Variants in DOCK1 observed in about 807,000 individuals in gnomAD.
The protein encoded by DOCK1 is dedicator of cytokinesis 1, also known as dedicator of cytokinesis protein 1.
In DOCK1, 138 loss-of-function variants were observed where a neutral mutation model predicts 262.7. The ratio of observed to expected loss-of-function variants is 0.53; its 90% CI spans 0.46 to 0.61. The LOEUF is 0.61. Ranked by LOEUF, DOCK1 falls within the 20% of genes least tolerant of loss-of-function variation. The probability of loss-of-function intolerance (pLI) is 0.00; values close to 1 mark genes in which losing one functional copy is unlikely to be tolerated. For missense variants in DOCK1, 1,908 were observed against 2,370.7 expected (o/e 0.80, Z 4.05); for synonymous variants, 866 against 867.4 (o/e 1.00, Z 0.03).
At chr10:127,194,852 G>C (rs1007155799) in intron 27 of DOCK1, among the ~76,000 whole-genome samples, 2 of 152,152 alleles carry the variant, frequency 1.3e-5, no homozygotes, top group Non-Finnish European at 1.5e-5. Flanking sequence ...GTTTCACCTC[G>C]GGATGCTTCC....
intron 27 of DOCK1, among the ~76,000 whole-genome samples, chr10:127,238,050 A>C (rs1423348530): frequency 6.6e-6 from 1 of 152,196 alleles, no homozygotes; most frequent in Non-Finnish European, 1.5e-5. Flanking sequence ...AGACACAGGG[A>C]CACATCATTC....
chr10:127,425,308 A>C (rs2068748244), intron 46 of DOCK1, among the ~76,000 whole-genome samples: 1 of 152,174 alleles, frequency 6.6e-6, no homozygotes, highest in Non-Finnish European at 1.5e-5. Flanking sequence ...GAACGTTTTT[A>C]AAGGTCAGCT....
At chr10:127,381,220 C>T in intron 36 of DOCK1, 58 bp from the exon 37 acceptor site, 1 of 1,474,542 alleles carries the variant, frequency 6.8e-7, no homozygotes. Context: ...CTCTTGCAAT[C>T]CTCAACACAA....
At chr10:127,262,969 C>G (rs1470600373) in intron 29 of DOCK1, among the ~76,000 whole-genome samples, 1 of 152,152 alleles carries the variant, frequency 6.6e-6, no homozygotes, top group East Asian at 1.9e-4. Context: ...AATTTAACCC[C>G]AGAGCATCCA....
At chr10:126,909,923 T>C (rs917287659) in intron 1 of DOCK1, among the ~76,000 whole-genome samples, 1 of 152,250 alleles carries the variant, frequency 6.6e-6, no homozygotes, top group African/African-American at 2.4e-5. Context: ...TTCTTGATAG[T>C]GTGTTTTGCT....
chr10:127,264,695 CTGTTGT>C (rs1344874442), intron 29 of DOCK1, among the ~76,000 whole-genome samples: 4 of 152,010 alleles, frequency 2.6e-5, no homozygotes, highest in African/African-American at 9.7e-5. Flanking sequence ...GGGTCTCACT[CTGTTGT>C]CCAGGCTGGA....
chr10:127,298,533 A>C (rs375952091), intron 29 of DOCK1, among the ~76,000 whole-genome samples: 1 of 152,160 alleles, frequency 6.6e-6, no homozygotes. Flanking sequence ...ACCATTGTCA[A>C]CCAGAAAGAA....
intron 10 of DOCK1, among the ~76,000 whole-genome samples, chr10:127,005,215 G>T (rs767975605): frequency 6.4e-4 from 98 of 152,138 alleles, no homozygotes; most frequent in Non-Finnish European, 1.2e-3. Context: ...TCGTGGTGGC[G>T]CATGCTTGGG....
chr10:127,375,202 T>C (rs2065422061), intron 35 of DOCK1, among the ~76,000 whole-genome samples: 1 of 152,232 alleles, frequency 6.6e-6, no homozygotes, highest in Non-Finnish European at 1.5e-5. Flanking sequence ...GCCAGCCTCA[T>C]GGCTCTCAGC....
chr10:127,323,151 C>T (rs369409608), intron 29 of DOCK1, among the ~76,000 whole-genome samples: 5 of 152,100 alleles, frequency 3.3e-5, no homozygotes, highest in African/African-American at 1.2e-4. Flanking sequence ...TGGTGTTCAT[C>T]GCTTCCCTCT....
intron 27 of DOCK1, among the ~76,000 whole-genome samples, chr10:127,138,326 T>C (rs1475067967): frequency 6.6e-6 from 1 of 152,202 alleles, no homozygotes; most frequent in Non-Finnish European, 1.5e-5. Context: ...CCCCATTGTT[T>C]GTCCACAGTC....
chr10:127,135,128 A>G (rs915696663), intron 27 of DOCK1, among the ~76,000 whole-genome samples: 2 of 152,182 alleles, frequency 1.3e-5, no homozygotes, highest in African/African-American at 2.4e-5. Context: ...TCTGAGGTTA[A>G]GAATTAAACC....
chr10:127,380,457 A>G (rs145736803), intron 36 of DOCK1, among the ~76,000 whole-genome samples: 1 of 152,346 alleles, frequency 6.6e-6, no homozygotes, highest in African/African-American at 2.4e-5. Context: ...AGTAAGTTAT[A>G]TGATCCAGTG....
chr10:127,282,176 G>A (rs368170551), intron 29 of DOCK1, among the ~76,000 whole-genome samples: 6 of 151,940 alleles, frequency 3.9e-5, no homozygotes, highest in African/African-American at 1.5e-4. Flanking sequence ...CAGCTTGGTT[G>A]GTTGCTTGGG....
At chr10:127,013,956 C>T (rs2041670976) in intron 12 of DOCK1, among the ~76,000 whole-genome samples, 1 of 152,238 alleles carries the variant, frequency 6.6e-6, no homozygotes, top group South Asian at 2.1e-4. Context: ...TCACCAGCAG[C>T]CCAGGCTTAA....
At chr10:127,358,562 C>T (rs1344820339) in intron 32 of DOCK1, among the ~76,000 whole-genome samples, 1 of 152,184 alleles carries the variant, frequency 6.6e-6, no homozygotes, top group Non-Finnish European at 1.5e-5. Flanking sequence ...GAGCACTAGA[C>T]CCCAGCCAGC....
chr10:126,916,294 T>C (rs577141831), intron 1 of DOCK1, among the ~76,000 whole-genome samples: 20 of 152,364 alleles, frequency 1.3e-4, no homozygotes, highest in African/African-American at 4.8e-4. Context: ...GTTAAACTAT[T>C]ATACAGTCAA....
chr10:127,145,874 T>G, intron 27 of DOCK1: 1 of 404,746 alleles, frequency 2.5e-6, no homozygotes, highest in South Asian at 1.9e-5. Flanking sequence ...GTGTGTCATC[T>G]GGTGTCACCA....
intron 37 of DOCK1, among the ~76,000 whole-genome samples, chr10:127,383,230 A>G (rs1401854118): frequency 1.3e-5 from 2 of 152,200 alleles, no homozygotes; most frequent in African/African-American, 4.8e-5. Flanking sequence ...CCTAGCAATC[A>G]AATTATTACA....
Sources: gnomAD v4.1 joint callset for allele counts (sites outside exome capture counted in the v4.1 genomes callset) on GRCh38, gnomAD v4.1.1 for gene constraint, MANE v1.5 for transcripts, NCBI Gene and HGNC (gene_info 2026-07-23, HGNC 2026-07-21) for gene names.